The following PARP16 variants were observed in gnomAD, a reference collection of about 807,000 sequenced individuals.
PARP16 encodes protein mono-ADP-ribosyltransferase PARP16.
PARP16 carries 31 observed loss-of-function variants against 35.0 expected under a neutral mutation model. The ratio of observed to expected loss-of-function variants is 0.88; its 90% CI spans 0.66 to 1.19. The LOEUF (loss-of-function observed/expected upper bound fraction) is 1.19. Ranked by LOEUF, PARP16 falls within the 50% of genes most tolerant of loss-of-function variation. PARP16 has a pLI of 0.00. For missense variants in PARP16, 424 were observed against 411.2 expected (o/e 1.03, Z -0.27); for synonymous variants, 162 against 169.5 (o/e 0.96, Z 0.34).
At chr15:65,267,499 C>T (rs1191402941) in intron 2 of PARP16, among the ~76,000 whole-genome samples, 1 of 149,704 alleles carries the variant, frequency 6.7e-6, no homozygotes, top group Non-Finnish European at 1.5e-5. Context: ...CCCAGCTACT[C>T]GGGAGGCTGA....
At chr15:65,265,373 A>G (rs1336985676) in intron 3 of PARP16, among the ~76,000 whole-genome samples, 1 of 152,202 alleles carries the variant, frequency 6.6e-6, no homozygotes, top group Admixed American at 6.5e-5. Context: ...CCTTTTTTAC[A>G]GATGAAGAAC....
intron 3 of PARP16, among the ~76,000 whole-genome samples, chr15:65,241,974 C>T (rs186078965): frequency 9.9e-5 from 15 of 152,258 alleles, no homozygotes; most frequent in Admixed American, 2.6e-4. Context: ...TTTTCCCCTA[C>T]GTCTTCTTCT....
chr15:65,248,781 A>AG (rs1421597959), intron 2 of PARP16, among the ~76,000 whole-genome samples: 3 of 152,112 alleles, frequency 2.0e-5, no homozygotes, highest in Admixed American at 6.5e-5. Context: ...TGGCTGAAAA[A>AG]GCCGGCTCTT....
intron 3 of PARP16, among the ~76,000 whole-genome samples, chr15:65,247,572 C>A (rs976467722): frequency 6.6e-6 from 1 of 152,046 alleles, no homozygotes; most frequent in Admixed American, 6.6e-5. Flanking sequence ...GATGAGAGGC[C>A]AGATCACAGT....
In PARP16 at chr15:65,266,541, AG is replaced by A. The variant is rs1402134936; in HGVS notation, c.519+20del. ...TCCATCCCTGCTTCCCCACATCAGC[AG>A]GGTGTCCCTTAGGCCCCACCTTGTT... On this transcript the variant is annotated intron_variant, in intron 3 of 5. Transcript: ENST00000649807. 6.3e-7 allele frequency: 1 copy of A among 1,593,636 alleles called. No individual in the cohort carries two copies. The highest frequency in any genetic ancestry group is 2.2e-5 in the East Asian group (1 of 44,794).
intron 1 of PARP16, among the ~76,000 whole-genome samples, chr15:65,278,543 C>G (rs904739339): frequency 6.6e-6 from 1 of 152,068 alleles, no homozygotes; most frequent in African/African-American, 2.4e-5. Flanking sequence ...GTGAATAGGC[C>G]TCACAGAGGA....
chr15:65,269,490 C>T (rs1446919991), intron 2 of PARP16, among the ~76,000 whole-genome samples: 5 of 152,160 alleles, frequency 3.3e-5, no homozygotes, highest in Middle Eastern at 3.2e-3. Context: ...GCTACCGCAC[C>T]CAGCCAGTGG....
downstream of PARP16, among the ~76,000 whole-genome samples, chr15:65,256,712 C>T (rs1036707149): frequency 5.9e-5 from 9 of 152,040 alleles, no homozygotes; most frequent in Middle Eastern, 3.2e-3. Context: ...CGGCCGCCCA[C>T]AGCTTTTAAA....
chr15:65,269,174 T>TCTCTCTCTCTCTCTCTCTCTCTCTC (rs60229565), intron 2 of PARP16, among the ~76,000 whole-genome samples: 1 of 146,736 alleles, frequency 6.8e-6, no homozygotes, highest in African/African-American at 2.5e-5. Context: ...TTTAGTCGGT[T>TCTCTCTCTCTCTCTCTCTCTCTCTC]TTTTTCTTTC....
rs371812555 is a variant in PARP16, at chr15:65,286,850, G to C, written c.-424C>G. The C allele has an allele frequency of 6.0e-6, 1 of 165,394 alleles. No homozygotes were observed. The highest frequency in any genetic ancestry group is 1.6e-4 in the East Asian group (1 of 6,092). The allele number at this position is 165,394 out of a possible 1,614,324, so 10.2% of individuals were successfully genotyped here. A position where few individuals can be genotyped will look rare whatever the true frequency, so the allele number is the denominator to read the frequency against. On this transcript the variant is annotated 5_prime_UTR_variant, in exon 1 of 6. Coordinates refer to ENST00000649807, the MANE Select transcript of PARP16 (RefSeq NM_001316943.2). Reference sequence around the variant, plus strand: ...ACGGCGGGCAGAGCCCACTCTCCGCGACGGGCGAGGCTGCTGCGCCGCGCG... The same window carrying C: ...ACGGCGGGCAGAGCCCACTCTCCGCCACGGGCGAGGCTGCTGCGCCGCGCG...
At chr15:65,232,065 C>A (rs981118199), downstream of PARP16, among the ~76,000 whole-genome samples, 1 of 152,064 alleles carries the variant, frequency 6.6e-6, no homozygotes. Flanking sequence ...TAGACTACAC[C>A]GTCACCTACC....
chr15:65,286,823 G>A lies in PARP16; in HGVS notation c.-397C>T. 5.5e-6 allele frequency: 1 copy of A among 181,534 alleles called. No homozygotes were observed. The allele number at this position is 181,534 out of a possible 1,614,324, so 11.2% of individuals were successfully genotyped here. On this transcript the variant is annotated 5_prime_UTR_variant, in exon 1 of 6. Transcript: ENST00000649807. ...CCTGGGGCGGGAAGCAGCCCCCGGG[G>A]GACGGCGGGCAGAGCCCACTCTCCG...
At chr15:65,256,591 T>C (rs890532709), downstream of PARP16, among the ~76,000 whole-genome samples, 1 of 151,966 alleles carries the variant, frequency 6.6e-6, no homozygotes. Flanking sequence ...GTATTTTTAG[T>C]AGAGACGGGG....
intron 3 of PARP16, among the ~76,000 whole-genome samples, chr15:65,239,458 GAAAAGAAAAAAA>G (rs1311123054): frequency 1.6e-5 from 1 of 62,540 alleles, no homozygotes; most frequent in Non-Finnish European, 3.3e-5. Flanking sequence ...AAAAAAGAGA[GAAAAGAAAAAAA>G]AAAGAAAAGA....
At chr15:65,281,599 G>A (rs1340417875) in intron 1 of PARP16, among the ~76,000 whole-genome samples, 1 of 151,648 alleles carries the variant, frequency 6.6e-6, no homozygotes, top group Non-Finnish European at 1.5e-5. Context: ...ACTGAGGCAG[G>A]AGAATCGCTT....
intron 1 of PARP16, among the ~76,000 whole-genome samples, chr15:65,282,879 G>A (rs988796247): frequency 1.3e-5 from 2 of 152,188 alleles, no homozygotes; most frequent in African/African-American, 4.8e-5. Flanking sequence ...TTGCAGAGGG[G>A]TGAGGGATAG....
chr15:65,283,823 T>G (rs997942414), intron 1 of PARP16, among the ~76,000 whole-genome samples: 1 of 152,240 alleles, frequency 6.6e-6, no homozygotes, highest in African/African-American at 2.4e-5. Flanking sequence ...TTGCCAAAAC[T>G]GAATGAAGTT....
At chr15:65,256,643 G>A (rs528067790), downstream of PARP16, among the ~76,000 whole-genome samples, 29 of 152,120 alleles carry the variant, frequency 1.9e-4, no homozygotes, top group Admixed American at 1.2e-3. Context: ...TCCTGACGTC[G>A]TGATCCTCCC....
chr15:65,253,322 T>C (rs1300828366), downstream of PARP16, among the ~76,000 whole-genome samples: 5 of 151,830 alleles, frequency 3.3e-5, no homozygotes, highest in African/African-American at 9.7e-5. Context: ...TTTTTTCTCG[T>C]CTAATTTCAT....
Sources: gnomAD v4.1 joint callset for allele counts (sites outside exome capture counted in the v4.1 genomes callset) on GRCh38, gnomAD v4.1.1 for gene constraint, MANE v1.5 for transcripts, NCBI Gene and HGNC (gene_info 2026-07-23, HGNC 2026-07-21) for gene names.